VGLL3: variants seen among roughly 807,000 people sequenced by gnomAD.
VGLL3 encodes transcription cofactor vestigial-like protein 3.
In VGLL3, 18 loss-of-function variants were observed where a neutral mutation model predicts 29.2. That is an observed-to-expected ratio of 0.62 (90% CI 0.43 to 0.91). VGLL3 has a LOEUF of 0.91. VGLL3 is among the 40% of genes least tolerant of loss of function. VGLL3 has a pLI of 0.00. For missense variants in VGLL3, 440 were observed against 413.2 expected, an observed-to-expected ratio of 1.06 and a Z score of -0.56; for synonymous variants, 180 against 151.8, an observed-to-expected ratio of 1.19 and a Z score of -1.36.
intron 3 of VGLL3, among the ~76,000 whole-genome samples, chr3:86,965,650 C>T (rs1230327356): frequency 1.3e-5 from 2 of 152,272 alleles, no homozygotes; most frequent in Middle Eastern, 3.4e-3. Flanking sequence ...CTCTCAGTTG[C>T]TTCTCTCTTT....
Sources: gnomAD v4.1 joint callset for allele counts (sites outside exome capture counted in the v4.1 genomes callset) on GRCh38, gnomAD v4.1.1 for gene constraint, MANE v1.5 for transcripts, NCBI Gene and HGNC (gene_info 2026-07-23, HGNC 2026-07-21) for gene names.